ECE1: variants seen among roughly 807,000 people sequenced by gnomAD.
The protein encoded by ECE1 is endothelin converting enzyme 1.
In ECE1, 35 loss-of-function variants were observed where a neutral mutation model predicts 98.6. The observed-to-expected ratio is 0.35, with a 90% CI of 0.27 to 0.47. The LOEUF is 0.47. ECE1 is among the 20% of genes least tolerant of loss of function. The pLI, the probability that ECE1 is intolerant of heterozygous loss-of-function variation, is 1.00. For synonymous variants in ECE1, 394 were observed against 407.1 expected (o/e 0.97, Z 0.39); for missense variants, 814 against 1,025.3 (o/e 0.79, Z 2.81).
rs767106281 is a variant in ECE1, at chr1:21,258,588, G to A, written c.762+105C>T. ...CAGGCTCAGAAACTAGAAGACCGCCGTCCCACCCAGGGCAAGCCCCTCTCC... is the reference window on the plus strand; with the variant it reads ...CAGGCTCAGAAACTAGAAGACCGCCATCCCACCCAGGGCAAGCCCCTCTCC... On this transcript the variant is annotated intron_variant, in intron 6 of 18. Coordinates refer to ENST00000374893, the MANE Select transcript of ECE1 (RefSeq NM_001397.3). This position sits in a 1 kb window ranked among gnomAD's most constrained non-coding sequence, Gnocchi z 4.2. The A allele has an allele frequency of 8.7e-5, 130 of 1,488,554 alleles. No homozygotes were observed. The highest frequency in any genetic ancestry group is 1.1e-4 in the African/African-American group (8 of 72,184). The allele number at this position is 1,488,554 out of a possible 1,614,324, so 92.2% of individuals were successfully genotyped here. A position where few individuals can be genotyped will look rare whatever the true frequency, so the allele number is the denominator to read the frequency against.
rs893134504 is a variant in ECE1, at chr1:21,319,293, C to T, written c.3+26083G>A. On this transcript the variant is annotated intron_variant, in intron 1 of 18. Transcript: ENST00000415912. This position sits in a 1 kb window ranked among gnomAD's most constrained non-coding sequence, Gnocchi z 4.4. ...CCGGGAAGTGGAGGTTGCAGTGAGCCGAGATCGCATCACTGCTTTCCAGCC... is the reference window on the plus strand; with the variant it reads ...CCGGGAAGTGGAGGTTGCAGTGAGCTGAGATCGCATCACTGCTTTCCAGCC... Among the ~76,000 whole-genome samples the T allele has an allele frequency of 6.1e-4, 93 of 152,096 alleles. No homozygotes were observed. Among genetic ancestry groups the T allele is most frequent in the Admixed American group, 6.0e-3 (92 of 15,272 alleles).
At chr1:21,262,248 G>A (rs1351843085) in intron 4 of ECE1, among the ~76,000 whole-genome samples, 1 of 152,174 alleles carries the variant, frequency 6.6e-6, no homozygotes, top group East Asian at 1.9e-4. Flanking sequence ...CAGCCCTGGA[G>A]ACCATGGGCT....
At chr1:21,252,335 A>C (rs1047055945) in intron 8 of ECE1, among the ~76,000 whole-genome samples, 12 of 152,330 alleles carry the variant, frequency 7.9e-5, no homozygotes, top group Admixed American at 4.6e-4. Context: ...ATCTCCATGG[A>C]GACGGCTGTT....
chr1:21,330,265 T>C (rs1639172974), intron 1 of ECE1, among the ~76,000 whole-genome samples: 1 of 115,366 alleles, frequency 8.7e-6, no homozygotes, highest in South Asian at 3.3e-4. Flanking sequence ...AGACAGAGTC[T>C]CCCTCTGCCA....
At chr1:21,342,605 G>GATACAC (rs1218636145) in intron 1 of ECE1, among the ~76,000 whole-genome samples, 651 of 81,678 alleles carry the variant, frequency 8.0e-3, no homozygotes, top group South Asian at 0.014. Context: ...GACACACACA[G>GATACAC]ATACACACAC....
chr1:21,263,392 C>T (rs1213962343), intron 4 of ECE1, among the ~76,000 whole-genome samples: 8 of 150,444 alleles, frequency 5.3e-5, no homozygotes, highest in African/African-American at 2.0e-4. Flanking sequence ...GAGTCTCGCT[C>T]TGTCACTAGG....
chr1:21,328,377 G>C (rs1378544114), intron 1 of ECE1, among the ~76,000 whole-genome samples: 1 of 152,212 alleles, frequency 6.6e-6, no homozygotes, highest in Non-Finnish European at 1.5e-5. Context: ...CCTTGTGCCT[G>C]GCACATAGTG....
intron 1 of ECE1, among the ~76,000 whole-genome samples, chr1:21,316,849 A>G (rs1221920785): frequency 6.6e-6 from 1 of 152,228 alleles, no homozygotes; most frequent in Non-Finnish European, 1.5e-5. Flanking sequence ...TCAATTATTG[A>G]AAGTTCAAAA....
intron 4 of ECE1, among the ~76,000 whole-genome samples, chr1:21,262,794 A>G (rs1558396816): frequency 6.6e-6 from 1 of 152,218 alleles, no homozygotes; most frequent in Non-Finnish European, 1.5e-5. Flanking sequence ...AGGCTGCCAC[A>G]GGCCAGGTTC....
At position 21,276,681 on chromosome 1, in the gene ECE1, T is replaced by A. The variant is rs35038920; in HGVS notation, c.280+2510A>T. 1.1e-3 allele frequency among the ~76,000 whole-genome samples: 154 copies of A among 141,756 alleles called. 2 individuals are homozygous for A. The highest frequency in any genetic ancestry group is 3.0e-3 in the African/African-American group (118 of 39,174). The allele number at this position is 141,756 out of a possible 152,430, so 93.0% of individuals were successfully genotyped here. A position where few individuals can be genotyped will look rare whatever the true frequency, so the allele number is the denominator to read the frequency against. ...TGGCCTTCAGAATCATCAGATTTGCTTTCTTTTTTTTTTTTTTTTTTTGAG... is the reference window on the plus strand; with the variant it reads ...TGGCCTTCAGAATCATCAGATTTGCATTCTTTTTTTTTTTTTTTTTTTGAG... On this transcript the variant is annotated intron_variant, in intron 3 of 18. Coordinates refer to ENST00000374893, the MANE Select transcript of ECE1 (RefSeq NM_001397.3).
intron 1 of ECE1, among the ~76,000 whole-genome samples, chr1:21,337,270 C>G (rs534167939): frequency 7.2e-5 from 11 of 152,344 alleles, no homozygotes; most frequent in African/African-American, 2.4e-4. Flanking sequence ...GATGCTGGTA[C>G]AGGCGACACG....
rs1338463647 is a variant in ECE1 at position 21,279,347 on chromosome 1, G to A, written c.139-15C>T. 2 of 1,613,990 alleles carry A rather than the reference G, an allele frequency of 1.2e-6. No homozygotes were observed. The highest frequency in any genetic ancestry group is 1.7e-6 in the Non-Finnish European group (2 of 1,180,022). On this transcript the variant is annotated splice_polypyrimidine_tract_variant and intron_variant, in intron 2 of 18. Coordinates refer to ENST00000374893, the MANE Select transcript of ECE1 (RefSeq NM_001397.3). ...TGGAAGTTCACCTGCAGGGAAGGAG[G>A]CAGGAGGGGCGGGGAAGACGTGAGC... is the stretch of plus-strand genomic sequence containing the variant.
At chr1:21,329,087 T>G (rs530803087) in intron 1 of ECE1, among the ~76,000 whole-genome samples, 2 of 152,298 alleles carry the variant, frequency 1.3e-5, no homozygotes, top group African/African-American at 2.4e-5. Context: ...CAGGATAGTG[T>G]TGGACCCAGA....
At chr1:21,308,406 A>T (rs550817314) in intron 1 of ECE1, among the ~76,000 whole-genome samples, 1 of 151,818 alleles carries the variant, frequency 6.6e-6, no homozygotes, top group African/African-American at 2.4e-5. Context: ...ACGGCAAAGC[A>T]CTCTCTATTT....
At chr1:21,290,621 C>T, upstream of ECE1, 3 of 1,120,990 alleles carry the variant, frequency 2.7e-6, no homozygotes, top group Non-Finnish European at 3.4e-6. The surrounding 1 kb of genome is among the most constrained non-coding windows in gnomAD (Gnocchi z 7.3). Flanking sequence ...AGTGGGGGCC[C>T]CCAAACTGAA....
chr1:21,273,346 C>CGCGT (rs1553363401), intron 3 of ECE1, among the ~76,000 whole-genome samples: 115 of 133,076 alleles, frequency 8.6e-4, no homozygotes, highest in Non-Finnish European at 1.6e-3. Context: ...TGCGTGTGTG[C>CGCGT]GTGTGTGTGT....
At chr1:21,240,041 C>T (rs1067222) in intron 10 of ECE1, among the ~76,000 whole-genome samples, 13 of 152,148 alleles carry the variant, frequency 8.5e-5, no homozygotes, top group African/African-American at 3.1e-4. Flanking sequence ...CGTGGTGGCA[C>T]ATGCCTGTAA....
intron 1 of ECE1, among the ~76,000 whole-genome samples, chr1:21,343,979 G>A (rs781328316): frequency 1.3e-5 from 2 of 152,104 alleles, no homozygotes; most frequent in African/African-American, 4.8e-5. Flanking sequence ...TCCCTGTGTC[G>A]GAAACGGTCT....
intron 3 of ECE1, among the ~76,000 whole-genome samples, chr1:21,278,310 C>G (rs919019362): frequency 2.6e-5 from 4 of 152,208 alleles, no homozygotes; most frequent in Admixed American, 2.6e-4. Context: ...CTGGCTAGAT[C>G]CACTTAGTTG....
Sources: allele counts gnomAD v4.1 joint callset (sites outside exome capture counted in the v4.1 genomes callset), GRCh38; gene constraint gnomAD v4.1.1; non-coding constraint Gnocchi (gnomAD v3.1); transcripts MANE v1.5; gene names NCBI Gene and HGNC (gene_info 2026-07-23, HGNC 2026-07-21).